TLE6: variants seen among roughly 807,000 people sequenced by gnomAD.
The protein encoded by TLE6 is transducin-like enhancer protein 6.
Under a neutral mutation model 77.1 loss-of-function variants are expected in TLE6, and 72 were observed. The observed-to-expected ratio is 0.93, with a 90% CI of 0.77 to 1.14. The LOEUF is 1.14. Among genes scored for constraint, TLE6 ranks in the 50% most tolerant of loss-of-function variants. The pLI is 0.00. For synonymous variants in TLE6, 366 were observed against 287.3 expected, an observed-to-expected ratio of 1.27 and a Z score of -2.77; for missense variants, 843 against 747.6, an observed-to-expected ratio of 1.13 and a Z score of -1.49.
intron 5 of TLE6, chr19:2,984,341 C>G (rs1479838656): frequency 6.7e-5 from 4 of 59,686 alleles, no homozygotes; most frequent in African/African-American, 3.4e-4. Context: ...AGCCTGGAGT[C>G]CCCCCCCCCC....
Position 2,993,452 on chromosome 19 carries a change from C to T in TLE6, c.1407C>T (p.Ser469=), listed in dbSNP as rs1599174319. The T allele has an allele frequency of 1.9e-6, 3 of 1,602,154 alleles. No individual in the cohort carries two copies. The highest frequency in any genetic ancestry group is 2.6e-6 in the Non-Finnish European group (3 of 1,171,050). The part of the protein sequence containing the change: ...FKSQIMSLSH[S]PQEDWVLLGM... ...CCTAGATAATGAGCCTGTCCCACAG[C>T]CCCCAGGAGGACTGGGTGCTGCTGG... Residue 469 remains serine (S), a synonymous_variant, in exon 15 of 17, where the codon AGC becomes AGT. Transcript: ENST00000246112.
At chr19:2,985,098 A>G (rs1373112621) in intron 5 of TLE6, among the ~76,000 whole-genome samples, 2 of 151,748 alleles carry the variant, frequency 1.3e-5, no homozygotes, top group African/African-American at 2.4e-5. Context: ...TAAAAATACA[A>G]AATTAGCTGG....
chr19:2,995,070 A>ACCC lies in TLE6; in HGVS notation c.*66_*67insCCC. The stretch of plus-strand genomic sequence containing the variant: ...ATCCCCCCCCTTCCCCCCCCCCAAC[A>ACCC]AGGGGGACATGGTGGAGGGAAGCGG... On this transcript the variant is annotated 3_prime_UTR_variant, in exon 17 of 17. Coordinates refer to ENST00000246112, the MANE Select transcript of TLE6 (RefSeq NM_001143986.2). 1.1e-6 allele frequency: 1 copy of ACCC among 903,176 alleles called. No individual in the cohort carries two copies. 55.9% of individuals were successfully genotyped at this position (903,176 alleles called of 1,614,324 possible). A position where few individuals can be genotyped will look rare whatever the true frequency, so the allele number is the denominator to read the frequency against.
rs529993481 is a variant in TLE6 at position 2,980,892 on chromosome 19, TA to T, written c.135-638del. Among the ~76,000 whole-genome samples the T allele has an allele frequency of 2.1e-3, 315 of 149,624 alleles. 3 individuals carry two copies. Among genetic ancestry groups the T allele is most frequent in the Middle Eastern group, 3.6e-3 (1 of 278 alleles). ...TAGCGAGATGCCATCTCTTAAAAAA[TA>T]AAAAAAATCTAGCTGAGTGTGGTGG... On this transcript the variant is annotated intron_variant, in intron 3 of 16. Transcript: ENST00000246112.
chr19:2,980,243 T>G, intron 3 of TLE6, 61 bp downstream of exon 3: 1 of 1,408,986 alleles, frequency 7.1e-7, no homozygotes, highest in Non-Finnish European at 9.8e-7. Flanking sequence ...CTGGCCTCTC[T>G]CCCGGGGGTC....
Position 2,991,830 on chromosome 19 carries a change from C to T in TLE6, c.1245-13C>T, listed in dbSNP as rs1402752709. On this transcript the variant is annotated splice_polypyrimidine_tract_variant and intron_variant, in intron 13 of 16. Transcript: ENST00000246112. ...TCTTGACCTGATTGCCTCCCGATGTCCCTTCTGGCCAGGGACCTCAAGGGT... is the reference window on the plus strand; with the variant it reads ...TCTTGACCTGATTGCCTCCCGATGTTCCTTCTGGCCAGGGACCTCAAGGGT... 3.7e-6 allele frequency: 6 copies of T among 1,612,848 alleles called. No individual in the cohort carries two copies.
At position 2,989,745 on chromosome 19, in the gene TLE6, G is replaced by A. The variant is rs754061462; in HGVS notation, c.1204G>A (p.Val402Met). ...GGCCTTCGCCAGCTTCACCAGTGGT[G>A]TGGTCAGGATCTGGGACCTGCGGGA... The part of the protein sequence containing the change: ...NLAFASFTSG[V>M]VRIWDLRDQS... The change falls in exon 13 of 17, where the codon GTG (valine) becomes ATG (methionine). Residue 402 changes from valine (V) to methionine (M), a missense_variant. By Grantham distance (21) the Val-to-Met change is conservative. Transcript: ENST00000246112. 1.3e-5 allele frequency: 21 copies of A among 1,614,104 alleles called. No homozygotes were observed. The highest frequency in any genetic ancestry group is 1.3e-5 in the African/African-American group (1 of 74,940).
chr19:2,987,672 C>G (rs775388530), intron 8 of TLE6, 52 bp from the exon 9 acceptor site: 1 of 1,602,772 alleles, frequency 6.2e-7, no homozygotes. Flanking sequence ...CCGAGGTCTT[C>G]TGGTCCTAAC....
intron 5 of TLE6, among the ~76,000 whole-genome samples, chr19:2,985,769 A>T (rs546781177): frequency 2.4e-3 from 354 of 148,390 alleles, no homozygotes; most frequent in African/African-American, 8.3e-3. Context: ...TTTTCTTTTT[A>T]AAACATCCCA....
rs1233072692 is a variant in TLE6 at position 2,989,774 on chromosome 19, G to A, written c.1233G>A (p.Gln411=). The stretch of plus-strand genomic sequence containing the variant: ...TCAGGATCTGGGACCTGCGGGATCA[G>A]AGTGTGGTCAGGTGCGTTTGGGGGG... ...GVVRIWDLRD[Q]SVVRDLKGYP... is the part of the protein sequence containing the mutation. Residue 411 remains glutamine, a synonymous_variant, in exon 13 of 17, where the codon CAG becomes CAA. Transcript: ENST00000246112. The A allele has an allele frequency of 6.2e-7, 1 of 1,613,800 alleles. No individual in the cohort carries two copies. Among genetic ancestry groups the A allele is most frequent in the African/African-American group, 1.3e-5 (1 of 74,950 alleles).
intron 12 of TLE6, 109 bp downstream of exon 12, chr19:2,989,422 G>C (rs930329183): frequency 2.7e-5 from 43 of 1,573,702 alleles, no homozygotes; most frequent in Non-Finnish European, 3.5e-5. Context: ...AGGGAAAAGG[G>C]GCATAATAGC....
intron 3 of TLE6, among the ~76,000 whole-genome samples, chr19:2,981,266 A>T (rs1276635309): frequency 6.6e-6 from 1 of 151,224 alleles, no homozygotes; most frequent in East Asian, 1.9e-4. Flanking sequence ...AGGTCGAGGC[A>T]GGAGGATCTC....
At position 2,991,969 on chromosome 19, in the gene TLE6, C is replaced by T. The variant is rs1470152483; in HGVS notation, c.1371C>T (p.Tyr457=). The T allele has an allele frequency of 6.2e-7, 1 of 1,613,698 alleles. No individual in the cohort carries two copies. Among genetic ancestry groups the T allele is most frequent in the Middle Eastern group, 1.7e-4 (1 of 5,980 alleles). ...GGACCATCATGAAACCTCTGGAGTACCAATTCAAGTCTCAGGTGCGGAGGC... is the reference window on the plus strand; with the variant it reads ...GGACCATCATGAAACCTCTGGAGTATCAATTCAAGTCTCAGGTGCGGAGGC... ...DQRTIMKPLE[Y]QFKSQIMSLS... is the part of the protein sequence containing the mutation. The change falls in exon 14 of 17, where the codon TAC becomes TAT. Residue 457 remains tyrosine, a synonymous_variant. Coordinates refer to ENST00000246112, the MANE Select transcript of TLE6 (RefSeq NM_001143986.2).
chr19:2,995,053 C>A lies in TLE6; in HGVS notation c.*49C>A, dbSNP rs754492473. 5.5e-6 allele frequency: 6 copies of A among 1,096,436 alleles called. No individual in the cohort carries two copies. Among genetic ancestry groups the A allele is most frequent in the Non-Finnish European group, 6.4e-6 (5 of 775,720 alleles). 67.9% of individuals were successfully genotyped at this position (1,096,436 alleles called of 1,614,324 possible). ...CTCCGGCTCCTCTTTTCATCCCCCCCCTTCCCCCCCCCCAACAAGGGGGAC... is the reference window on the plus strand; with the variant it reads ...CTCCGGCTCCTCTTTTCATCCCCCCACTTCCCCCCCCCCAACAAGGGGGAC... On this transcript the variant is annotated 3_prime_UTR_variant, in exon 17 of 17. Transcript: ENST00000246112.
intron 5 of TLE6, among the ~76,000 whole-genome samples, chr19:2,985,973 C>G (rs1253752583): frequency 7.8e-5 from 11 of 141,728 alleles, no homozygotes; most frequent in Non-Finnish European, 1.5e-5. Context: ...ACTTGGGAGG[C>G]TGAGGCAGGA....
At position 2,981,405 on chromosome 19, in the gene TLE6, C is replaced by T. The variant is rs73514541; in HGVS notation, c.135-133C>T. 7,650 of 816,888 alleles carry T rather than the reference C, an allele frequency of 9.4e-3. 450 individuals carry two copies. The African/African-American group carries it at 0.12, about 13-fold the overall frequency. 50.6% of individuals were successfully genotyped at this position (816,888 alleles called of 1,614,324 possible). A position where few individuals can be genotyped will look rare whatever the true frequency, so the allele number is the denominator to read the frequency against. ...AATCTTACTGAACTTCTTGACACTG[C>T]CTTAAATTTGGCTTCTGGAGCCAGT... On this transcript the variant is annotated intron_variant, in intron 3 of 16. Transcript: ENST00000246112.
intron 13 of TLE6, among the ~76,000 whole-genome samples, chr19:2,990,766 C>T (rs370708293): frequency 3.3e-5 from 5 of 150,788 alleles, no homozygotes; most frequent in Non-Finnish European, 5.9e-5. Context: ...TTTGGGAGGC[C>T]GAGGTGGGTG....
chr19:2,991,600 G>GCAAGGGGAGGCCTAGGTGAGGC, intron 13 of TLE6, among the ~76,000 whole-genome samples: 1 of 150,726 alleles, frequency 6.6e-6, no homozygotes, highest in East Asian at 1.9e-4. Context: ...GGTGGAAGAG[G>GCAAGGGGAGGCCTAGGTGAGGC]CAAGGGGAGG....
At chr19:2,992,954 C>A (rs2089112453) in intron 14 of TLE6, among the ~76,000 whole-genome samples, 1 of 145,378 alleles carries the variant, frequency 6.9e-6, no homozygotes, top group African/African-American at 2.6e-5. Flanking sequence ...TTTGGGAGGC[C>A]AAGGCGGGTG....
Sources: gnomAD v4.1 joint callset for allele counts (sites outside exome capture counted in the v4.1 genomes callset) on GRCh38, gnomAD v4.1.1 for gene constraint, MANE v1.5 for transcripts, NCBI Gene and HGNC (gene_info 2026-07-23, HGNC 2026-07-21) for gene names.